ROS1: variants seen among roughly 807,000 people sequenced by gnomAD.
ROS1 encodes the protein ROS proto-oncogene 1, receptor tyrosine kinase, also known as proto-oncogene tyrosine-protein kinase ROS.
In ROS1, 263 loss-of-function variants were observed where a neutral mutation model predicts 273.5. The ratio of observed to expected loss-of-function variants is 0.96; its 90% CI spans 0.87 to 1.06. The LOEUF is 1.06. Among genes scored for constraint, ROS1 ranks in the 50% least tolerant of loss-of-function variants. The pLI is 0.00. For synonymous variants in ROS1, 1,008 were observed against 954.1 expected, an observed-to-expected ratio of 1.06 and a Z score of -1.04; for missense variants, 2,833 against 2,751.1, an observed-to-expected ratio of 1.03 and a Z score of -0.67.
chr6:117,317,381 CT>C, intron 38 of ROS1, 109 bp from the exon 39 acceptor site: 1 of 1,278,932 alleles, frequency 7.8e-7, no homozygotes, highest in East Asian at 2.4e-5. Flanking sequence ...TTCAAAACCC[CT>C]GACTTAGTGT....
chr6:117,318,804 T>G (rs890637627), intron 37 of ROS1, among the ~76,000 whole-genome samples: 4 of 152,070 alleles, frequency 2.6e-5, no homozygotes, highest in African/African-American at 9.7e-5. Context: ...CCATCTTTCC[T>G]CCTCTCCCTG....
At chr6:117,418,556 G>A (rs371832757) in intron 1 of ROS1, 50 bp from the exon 2 acceptor site, 39 of 1,375,568 alleles carry the variant, frequency 2.8e-5, no homozygotes, top group Non-Finnish European at 3.4e-5. Flanking sequence ...ACTGGGTTCC[G>A]TGTAACTAAC....
At chr6:117,343,377 A>C (rs1778104509) in intron 28 of ROS1, among the ~76,000 whole-genome samples, 1 of 152,250 alleles carries the variant, frequency 6.6e-6, no homozygotes, top group African/African-American at 2.4e-5. Context: ...CCTTTTGAAC[A>C]GGCTAAATAA....
At chr6:117,360,321 C>T in intron 23 of ROS1, 21 bp downstream of exon 23, 1 of 1,558,592 alleles carries the variant, frequency 6.4e-7, no homozygotes, top group Non-Finnish European at 8.8e-7. Flanking sequence ...ATTATTTGCA[C>T]AGATTTTAGA....
chr6:117,393,218 A>G lies in ROS1; in HGVS notation c.1289+6T>C. ...GAGAATTCATCTTTACAAGGCTAAC[A>G]CATACCCATTGTATGAATCAGCCAC... On this transcript the variant is annotated splice_donor_region_variant and intron_variant, in intron 12 of 43. Transcript: ENST00000368507. The G allele has an allele frequency of 6.8e-7, 1 of 1,473,400 alleles. No homozygotes were observed. The highest frequency in any genetic ancestry group is 9.5e-7 in the Non-Finnish European group (1 of 1,052,204). 91.3% of individuals were successfully genotyped at this position (1,473,400 alleles called of 1,614,324 possible). A position where few individuals can be genotyped will look rare whatever the true frequency, so the allele number is the denominator to read the frequency against.
At chr6:117,344,484 C>CTGCT (rs1315682966) in intron 27 of ROS1, among the ~76,000 whole-genome samples, 1 of 152,134 alleles carries the variant, frequency 6.6e-6, no homozygotes, top group African/African-American at 2.4e-5. Flanking sequence ...GTAGTATGTA[C>CTGCT]TGCTACAGTC....
intron 39 of ROS1, among the ~76,000 whole-genome samples, chr6:117,311,330 A>C: frequency 6.6e-6 from 1 of 152,106 alleles, no homozygotes; most frequent in African/African-American, 2.4e-5. Context: ...AATGACAGCT[A>C]TGTTTAGTAA....
In ROS1 at chr6:117,357,734, C is replaced by T. The variant is rs1018369549; in HGVS notation, c.3839+70G>A. Reference sequence around the variant, plus strand: ...CCATAATTGTCTTCTACTATTAAACCAAAGACATTACATTAAATATGTCTA... The same window carrying T: ...CCATAATTGTCTTCTACTATTAAACTAAAGACATTACATTAAATATGTCTA... On this transcript the variant is annotated intron_variant, in intron 25 of 43. Coordinates refer to ENST00000368507, the MANE Select transcript of ROS1 (RefSeq NM_001378902.1). The T allele has an allele frequency of 2.1e-5, 23 of 1,074,158 alleles. No individual in the cohort carries two copies. In the Admixed American group the frequency reaches 3.8e-4, roughly 18 times the overall value. The allele number at this position is 1,074,158 out of a possible 1,614,324, so 66.5% of individuals were successfully genotyped here.
chr6:117,312,282 T>C (rs1018627246), intron 39 of ROS1, among the ~76,000 whole-genome samples: 1 of 152,030 alleles, frequency 6.6e-6, no homozygotes, highest in African/African-American at 2.4e-5. Context: ...TCCAAGTCCC[T>C]CAATTCCTTA....
At chr6:117,389,923 T>C (rs1772922721) in intron 12 of ROS1, 77 bp from the exon 13 acceptor site, 1 of 1,292,296 alleles carries the variant, frequency 7.7e-7, no homozygotes, top group Non-Finnish European at 1.1e-6. Context: ...AATTGCTTCA[T>C]TCTGTTGCAC....
intron 25 of ROS1, 37 bp downstream of exon 25, chr6:117,357,767 T>G (rs759281450): frequency 5.2e-6 from 7 of 1,340,016 alleles, no homozygotes; most frequent in Non-Finnish European, 7.4e-6. Context: ...CTATATCTAT[T>G]TCATCACAAT....
intron 19 of ROS1, 104 bp downstream of exon 19, chr6:117,365,972 C>T (rs1447168727): frequency 1.9e-6 from 2 of 1,027,234 alleles, no homozygotes; most frequent in African/African-American, 1.6e-5. Context: ...TGAAACCTTA[C>T]TCCTCTTAAA....
chr6:117,329,851 TC>T (rs1776944547), intron 32 of ROS1, among the ~76,000 whole-genome samples: 2 of 152,142 alleles, frequency 1.3e-5, no homozygotes, highest in Non-Finnish European at 2.9e-5. Flanking sequence ...GATTGGAAGA[TC>T]CCACTCTCGA....
intron 42 of ROS1, among the ~76,000 whole-genome samples, chr6:117,306,030 G>GTTTTTTTTTTTTTTTTTTTTAATTTTT (rs78945275): frequency 8.1e-6 from 1 of 123,092 alleles, no homozygotes; most frequent in Non-Finnish European, 1.7e-5. Context: ...TTCTCCTCAA[G>GTTTTTTTTTTTTTTTTTTTTAATTTTT]TTTTTTTTTT....
intron 32 of ROS1, among the ~76,000 whole-genome samples, chr6:117,332,181 A>AAAAAAAG (rs1562280287): frequency 6.6e-6 from 1 of 150,954 alleles, no homozygotes; most frequent in Non-Finnish European, 1.5e-5. Context: ...AAAAAAAAAA[A>AAAAAAAG]GAGGGTTGCA....
intron 15 of ROS1, 120 bp from the exon 16 acceptor site, chr6:117,385,981 C>T (rs1562346581): frequency 1.3e-6 from 1 of 746,550 alleles, no homozygotes; most frequent in Non-Finnish European, 2.2e-6. Flanking sequence ...CACATATTCA[C>T]TAGAACTTGA....
intron 39 of ROS1, among the ~76,000 whole-genome samples, chr6:117,316,706 G>A (rs1775945083): frequency 6.6e-6 from 1 of 152,072 alleles, no homozygotes; most frequent in Non-Finnish European, 1.5e-5. Flanking sequence ...TCCGTTTGGG[G>A]CAAAATATGT....
chr6:117,374,521 T>G (rs1028266909), intron 18 of ROS1, among the ~76,000 whole-genome samples: 8 of 152,142 alleles, frequency 5.3e-5, no homozygotes, highest in African/African-American at 1.2e-4. Flanking sequence ...ACCTTAACAA[T>G]TCTAGAAGAT....
At chr6:117,342,140 T>G (rs552122659) in intron 29 of ROS1, among the ~76,000 whole-genome samples, 1 of 152,294 alleles carries the variant, frequency 6.6e-6, no homozygotes, top group Non-Finnish European at 1.5e-5. Context: ...GACCAAATAA[T>G]GTGTTTCTTG....
Sources: allele counts gnomAD v4.1 joint callset (sites outside exome capture counted in the v4.1 genomes callset), GRCh38; gene constraint gnomAD v4.1.1; transcripts MANE v1.5; gene names NCBI Gene and HGNC (gene_info 2026-07-23, HGNC 2026-07-21).